Variants in CHN2 observed in about 807,000 individuals in gnomAD.
The protein encoded by CHN2 is chimerin 2.
In CHN2, 35 loss-of-function variants were observed where a neutral mutation model predicts 56.3. The observed-to-expected ratio is 0.62, with a 90% CI of 0.47 to 0.82. CHN2 has a LOEUF of 0.82. CHN2 is among the 40% of genes least tolerant of loss of function. The probability of loss-of-function intolerance (pLI) is 0.00; values close to 1 mark genes in which losing one functional copy is unlikely to be tolerated. For missense variants in CHN2, 491 were observed against 580.5 expected, an observed-to-expected ratio of 0.85 and a Z score of 1.58; for synonymous variants, 210 against 212.8, an observed-to-expected ratio of 0.99 and a Z score of 0.12.
chr7:29,390,855 C>G (rs1801308689), intron 3 of CHN2, among the ~76,000 whole-genome samples: 2 of 152,132 alleles, frequency 1.3e-5, no homozygotes, highest in South Asian at 4.1e-4. Flanking sequence ...CCCTAGCCCC[C>G]AGCCACCTAT....
intron 6 of CHN2, among the ~76,000 whole-genome samples, chr7:29,420,059 C>CAAAAAAAA (rs398004204): frequency 8.3e-6 from 1 of 120,312 alleles, no homozygotes; most frequent in Non-Finnish European, 1.7e-5. Flanking sequence ...GACTCCATCT[C>CAAAAAAAA]AAAAAAAAAA....
Position 29,400,775 on chromosome 7 carries a change from A to C in CHN2, c.523A>C (p.Asn175His). 1 of 1,614,134 alleles carries C rather than the reference A, an allele frequency of 6.2e-7. No individual in the cohort carries two copies. The highest frequency in any genetic ancestry group is 1.7e-5 in the Admixed American group (1 of 60,012). ...ATCCAGAAGGCTGAGCAGGTCTAAA[A>C]ATGAACCAAGAAAAACAAACGTCAC... ...KVSRRLSRSK[N>H]EPRKTNVTHE... is the part of the protein sequence containing the mutation. The change falls in exon 6 of 13, where the codon AAT (asparagine) becomes CAT (histidine). Residue 175 changes from asparagine to histidine, a missense_variant. Coordinates refer to ENST00000222792, the MANE Select transcript of CHN2 (RefSeq NM_004067.4).
At chr7:29,500,306 A>T (rs1057359351) in intron 9 of CHN2, among the ~76,000 whole-genome samples, 1 of 152,166 alleles carries the variant, frequency 6.6e-6, no homozygotes, top group Non-Finnish European at 1.5e-5. Context: ...TGAGGTAATA[A>T]AGGTCACCAT....
intron 1 of CHN2, among the ~76,000 whole-genome samples, chr7:29,313,365 G>GA (rs1794727926): frequency 2.0e-5 from 3 of 152,224 alleles, no homozygotes; most frequent in African/African-American, 7.2e-5. Flanking sequence ...AAACTGGGAG[G>GA]ATTCCCCTGA....
At chr7:29,194,243 A>C (rs1783289063), upstream of CHN2, 1 of 139,282 alleles carries the variant, frequency 7.2e-6, no homozygotes, top group Non-Finnish European at 1.5e-5. Flanking sequence ...TGCGCGCAGC[A>C]GCCGCGCTCG....
intron 1 of CHN2, among the ~76,000 whole-genome samples, chr7:29,272,673 G>A (rs1790759853): frequency 6.6e-6 from 1 of 152,078 alleles, no homozygotes; most frequent in African/African-American, 2.4e-5. Flanking sequence ...TAATTGAGGT[G>A]CCAAAATATT....
chr7:29,412,545 G>C (rs894901279), intron 6 of CHN2, among the ~76,000 whole-genome samples: 2 of 151,942 alleles, frequency 1.3e-5, no homozygotes, highest in Admixed American at 6.6e-5. Context: ...TGGCCACAAC[G>C]GTCTCAATCT....
rs541792526 is a variant in CHN2, at chr7:29,442,934, C to CTTTTTT, written c.577-37333_577-37328dup. ...CATCGCTTTCAATTTCATTGAATTT[C>CTTTTTT]TTTTTTTTTTTTTTTTTGAGACGGA... On this transcript the variant is annotated intron_variant, in intron 6 of 12. Coordinates refer to ENST00000222792, the MANE Select transcript of CHN2 (RefSeq NM_004067.4). 1.5e-4 allele frequency among the ~76,000 whole-genome samples: 15 copies of CTTTTTT among 103,066 alleles called. 1 individual carries two copies. Among genetic ancestry groups the CTTTTTT allele is most frequent in the Admixed American group, 4.1e-4 (4 of 9,816 alleles). The allele number at this position is 103,066 out of a possible 152,430, so 67.6% of individuals were successfully genotyped here.
chr7:29,398,513 C>T lies in CHN2; in HGVS notation c.290+27C>T, dbSNP rs367650415. The T allele has an allele frequency of 1.3e-3, 1,849 of 1,416,634 alleles. 1 individual carries two copies. Among genetic ancestry groups the T allele is most frequent in the Middle Eastern group, 3.4e-3 (19 of 5,604 alleles). The allele number at this position is 1,416,634 out of a possible 1,614,324, so 87.8% of individuals were successfully genotyped here. A position where few individuals can be genotyped will look rare whatever the true frequency, so the allele number is the denominator to read the frequency against. ...TGAGGCGCATTTCATTCCTTGTTTT[C>T]ATTGCTGTACAAGTGGCTTCACTGA... On this transcript the variant is annotated intron_variant, in intron 5 of 12. Transcript: ENST00000222792.
chr7:29,316,375 G>A (rs191497178), intron 1 of CHN2, among the ~76,000 whole-genome samples: 323 of 152,124 alleles, frequency 2.1e-3, no homozygotes, highest in African/African-American at 7.4e-3. Context: ...TTCAGGTAAG[G>A]CAATTTGCTT....
At chr7:29,180,137 GT>G (rs1562811617) in intron 2 of CHN2, among the ~76,000 whole-genome samples, 3 of 152,176 alleles carry the variant, frequency 2.0e-5, no homozygotes, top group East Asian at 3.9e-4. Flanking sequence ...TTCCCCAATA[GT>G]TTTTTTATTA....
rs70980525 is a variant in CHN2, at chr7:29,302,500, C to CTTTTT, written c.50-52107_50-52103dup. On this transcript the variant is annotated intron_variant, in intron 1 of 12. Coordinates refer to ENST00000222792, the MANE Select transcript of CHN2 (RefSeq NM_004067.4). ...CATCACACCCAGCTAAATTTTAATT[C>CTTTTT]TTTTTTTTTTTTTTTTTTTTTTAAG... 4.2e-4 allele frequency among the ~76,000 whole-genome samples: 49 copies of CTTTTT among 117,780 alleles called. 1 individual carries two copies. Among genetic ancestry groups the CTTTTT allele is most frequent in the Middle Eastern group, 5.2e-3 (1 of 194 alleles). 77.3% of individuals were successfully genotyped at this position (117,780 alleles called of 152,430 possible). A position where few individuals can be genotyped will look rare whatever the true frequency, so the allele number is the denominator to read the frequency against.
chr7:29,494,258 T>TTTTTTATA (rs1254906101), intron 7 of CHN2, among the ~76,000 whole-genome samples: 5 of 152,152 alleles, frequency 3.3e-5, no homozygotes. Context: ...CTTTTTTTCT[T>TTTTTTATA]CTGTAGCCCT....
At chr7:29,322,887 G>A (rs1042585033) in intron 1 of CHN2, among the ~76,000 whole-genome samples, 7 of 152,280 alleles carry the variant, frequency 4.6e-5, no homozygotes, top group African/African-American at 1.7e-4. Flanking sequence ...TTGTGGCTGG[G>A]TGCGGTGGCT....
At chr7:29,432,483 C>G (rs1782922778) in intron 6 of CHN2, among the ~76,000 whole-genome samples, 1 of 152,174 alleles carries the variant, frequency 6.6e-6, no homozygotes, top group Admixed American at 6.5e-5. Flanking sequence ...CAGGGCAACC[C>G]AGAAAGCAAT....
At chr7:29,323,165 C>G (rs73301239) in intron 1 of CHN2, among the ~76,000 whole-genome samples, 6,263 of 150,456 alleles carry the variant, frequency 0.042, 445 homozygotes, top group African/African-American at 0.15. Flanking sequence ...CCCGTTCCCC[C>G]CCAACAAAAA....
intron 1 of CHN2, among the ~76,000 whole-genome samples, chr7:29,351,231 A>T (rs1340380091): frequency 6.6e-6 from 1 of 152,168 alleles, no homozygotes; most frequent in Admixed American, 6.5e-5. Flanking sequence ...AAGAAGCTAC[A>T]TAACCTCCTT....
At chr7:29,398,888 C>A (rs974995247) in intron 5 of CHN2, among the ~76,000 whole-genome samples, 1 of 152,044 alleles carries the variant, frequency 6.6e-6, no homozygotes, top group Non-Finnish European at 1.5e-5. Flanking sequence ...AGTCAGGAGC[C>A]ACTGCACCTG....
intron 6 of CHN2, among the ~76,000 whole-genome samples, chr7:29,469,798 T>G (rs10261846): frequency 0.57 from 87,343 of 152,016 alleles, 25,501 homozygotes; most frequent in African/African-American, 0.69. Flanking sequence ...CTTCTTAGTT[T>G]TGTTTGTTGT....
Sources: gnomAD v4.1 joint callset for allele counts (sites outside exome capture counted in the v4.1 genomes callset) on GRCh38, gnomAD v4.1.1 for gene constraint, MANE v1.5 for transcripts, NCBI Gene and HGNC (gene_info 2026-07-23, HGNC 2026-07-21) for gene names.